EP300: variants seen among roughly 807,000 people sequenced by gnomAD.
The protein encoded by EP300 is histone acetyltransferase p300.
A neutral mutation model predicts 264.0 loss-of-function variants in EP300; 31 were observed. The observed-to-expected ratio is 0.12, with a 90% confidence interval of 0.09 to 0.16. EP300 has a LOEUF of 0.16. Ranked by LOEUF, EP300 falls within the 10% of genes least tolerant of loss-of-function variation. EP300 has a pLI of 1.00. For missense variants in EP300, 2,766 were observed against 3,052.9 expected (o/e 0.91, Z 2.21); for synonymous variants, 1,340 against 1,045.4 (o/e 1.28, Z -5.44).
In EP300 at chr22:41,092,969, T is replaced by A; in HGVS notation, c.-36T>A. The A allele has an allele frequency of 3.1e-6, 5 of 1,611,906 alleles. No individual in the cohort carries two copies. Among genetic ancestry groups the A allele is most frequent in the Non-Finnish European group, 4.2e-6 (5 of 1,178,060 alleles). On this transcript the variant is annotated 5_prime_UTR_variant, in exon 1 of 31. Transcript: ENST00000263253. ...CGAAGAAGAGATTTCCTGAGGATTC[T>A]GGTTTTCCTCGCTTGTATCTCCGAA...
chr22:41,119,620 A>G (rs914686988), intron 2 of EP300, among the ~76,000 whole-genome samples: 1 of 152,066 alleles, frequency 6.6e-6, no homozygotes, highest in Non-Finnish European at 1.5e-5. Flanking sequence ...GGTAAGTGCT[A>G]TGGAGAAAAA....
chr22:41,136,102 C>T (rs974231595), intron 7 of EP300, among the ~76,000 whole-genome samples, 196 bp downstream of exon 7: 1 of 152,192 alleles, frequency 6.6e-6, no homozygotes, highest in Admixed American at 6.5e-5. Context: ...CTCACTGCAA[C>T]CTCTGCCTCC....
chr22:41,129,513 C>T (rs1022891754), intron 4 of EP300, among the ~76,000 whole-genome samples: 1 of 152,138 alleles, frequency 6.6e-6, no homozygotes, highest in Non-Finnish European at 1.5e-5. Context: ...CATTTTTACC[C>T]GATCTAATAC....
chr22:41,113,842 G>T (rs527474712), intron 1 of EP300, among the ~76,000 whole-genome samples: 2 of 152,114 alleles, frequency 1.3e-5, no homozygotes, highest in Admixed American at 1.3e-4. Context: ...CACTGCGCCC[G>T]GCCTTTTTAA....
In EP300 at chr22:41,112,356, AT is replaced by A. The variant is rs1038336068; in HGVS notation, c.95-4825del. On this transcript the variant is annotated intron_variant, in intron 1 of 30. Transcript: ENST00000263253. The stretch of plus-strand genomic sequence containing the variant: ...AGGCGCCTGCCACCACACCCAGCTA[AT>A]TTTTTGTTTTGTTTTGTTTTTAGTA... 1.3e-4 allele frequency among the ~76,000 whole-genome samples: 19 copies of A among 151,650 alleles called. No individual in the cohort carries two copies. The South Asian group carries it at 1.7e-3, about 13-fold the overall frequency.
At chr22:41,105,582 A>G (rs896792702) in intron 1 of EP300, among the ~76,000 whole-genome samples, 11 of 152,010 alleles carry the variant, frequency 7.2e-5, no homozygotes, top group Middle Eastern at 3.4e-3. Flanking sequence ...TATTTTTAGT[A>G]GAGATGGGGT....
chr22:41,140,378 C>A, intron 9 of EP300, 121 bp downstream of exon 9: 1 of 787,784 alleles, frequency 1.3e-6, no homozygotes, highest in East Asian at 2.4e-5. Context: ...GTAGCTATCC[C>A]GTCTTATTGT....
rs1467627177 is a variant in EP300, at chr22:41,092,980, G to T, written c.-25G>T. ...TTTCCTGAGGATTCTGGTTTTCCTC[G>T]CTTGTATCTCCGAAAGAATTAAAAA... On this transcript the variant is annotated 5_prime_UTR_variant, in exon 1 of 31. Transcript: ENST00000263253. The T allele has an allele frequency of 1.9e-6, 3 of 1,613,308 alleles. No individual in the cohort carries two copies. The highest frequency in any genetic ancestry group is 1.1e-5 in the South Asian group (1 of 91,072).
rs1488654362 is a variant in EP300 at position 41,155,038 on chromosome 22, G to A, written c.3186G>A (p.Leu1062=). The change falls in exon 17 of 31, where the codon TTG becomes TTA. Residue 1062 remains leucine, a synonymous_variant. Coordinates refer to ENST00000263253, the MANE Select transcript of EP300 (RefSeq NM_001429.4). Reference sequence around the variant, plus strand: ...TACGACAGGCACTGATGCCAACTTTGGAGGCACTTTACCGTCAGGATCCAG... The same window carrying A: ...TACGACAGGCACTGATGCCAACTTTAGAGGCACTTTACCGTCAGGATCCAG... The part of the protein sequence containing the change: ...EELRQALMPT[L]EALYRQDPES... 3.7e-6 allele frequency: 6 copies of A among 1,613,874 alleles called. No homozygotes were observed. The highest frequency in any genetic ancestry group is 3.3e-5 in the Admixed American group (2 of 59,988).
At chr22:41,167,574 GTGTGTGTGTGTATATA>G (rs2059142221) in intron 23 of EP300, among the ~76,000 whole-genome samples, 3 of 29,182 alleles carry the variant, frequency 1.0e-4, no homozygotes, top group African/African-American at 4.0e-4. Flanking sequence ...GTGTGTGTGT[GTGTGTGTGTGTATATA>G]TATATATATA....
intron 2 of EP300, among the ~76,000 whole-genome samples, chr22:41,123,192 G>A (rs908312674): frequency 2.0e-5 from 3 of 152,246 alleles, no homozygotes; most frequent in African/African-American, 4.8e-5. Flanking sequence ...AACAGAAAAT[G>A]CCTCTCTGTG....
At chr22:41,102,067 A>G (rs1437713289) in intron 1 of EP300, among the ~76,000 whole-genome samples, 2 of 92,048 alleles carry the variant, frequency 2.2e-5, no homozygotes, top group Admixed American at 1.4e-4. Flanking sequence ...GCAGCCTACT[A>G]TATTGATTTT....
At chr22:41,157,103 A>T in intron 17 of EP300, 66 bp from the exon 18 acceptor site, 2 of 1,599,524 alleles carry the variant, frequency 1.3e-6, no homozygotes, top group Admixed American at 3.4e-5. Context: ...ATGATAATGG[A>T]TGATACTCCA....
At chr22:41,146,964 T>C (rs1486210668) in intron 11 of EP300, 148 bp downstream of exon 11, 1 of 739,158 alleles carries the variant, frequency 1.4e-6, no homozygotes, top group Admixed American at 2.1e-5. Flanking sequence ...GCAGGTTGGC[T>C]GGCAGATCAC....
In EP300 at chr22:41,130,089, G is replaced by A. The variant is rs1601606275; in HGVS notation, c.1282+86G>A. On this transcript the variant is annotated intron_variant, in intron 5 of 30. Transcript: ENST00000263253. ...TTATAGTACTACTTGATTATGTGAG[G>A]GACCTGTGGTGTTGTACTATGTTGA... 8.2e-6 allele frequency: 8 copies of A among 977,534 alleles called. No individual in the cohort carries two copies. In the East Asian group the frequency reaches 1.7e-4, roughly 21 times the overall value. 60.6% of individuals were successfully genotyped at this position (977,534 alleles called of 1,614,324 possible). A position where few individuals can be genotyped will look rare whatever the true frequency, so the allele number is the denominator to read the frequency against.
In EP300 at chr22:41,161,719, T is replaced by A. The variant is rs572872136; in HGVS notation, c.3671+997T>A. On this transcript the variant is annotated intron_variant, in intron 20 of 30. Coordinates refer to ENST00000263253, the MANE Select transcript of EP300 (RefSeq NM_001429.4). ...GAAGGAAAAACTGTTCAGTGTAATT[T>A]TAATATTATTGAAAGTTCATATTTA... Among the ~76,000 whole-genome samples, 21 of 152,324 alleles carry A rather than the reference T, an allele frequency of 1.4e-4. No individual in the cohort carries two copies. The South Asian group carries it at 4.3e-3, about 32-fold the overall frequency.
intron 20 of EP300, 62 bp downstream of exon 20, chr22:41,160,784 C>A (rs2145752779): frequency 6.9e-7 from 1 of 1,452,138 alleles, no homozygotes; most frequent in Non-Finnish European, 9.7e-7. Flanking sequence ...TTATGCACAG[C>A]TTATTTCTAA....
At chr22:41,094,427 T>G (rs1328389511) in intron 1 of EP300, among the ~76,000 whole-genome samples, 1 of 152,224 alleles carries the variant, frequency 6.6e-6, no homozygotes, top group Admixed American at 6.5e-5. Context: ...ATAAGAAAGA[T>G]GTGAAATGAA....
At position 41,154,775 on chromosome 22, in the gene EP300, T is replaced by TA. The variant is rs2059067362; in HGVS notation, c.3143-218dup. On this transcript the variant is annotated intron_variant, in intron 16 of 30. Coordinates refer to ENST00000263253, the MANE Select transcript of EP300 (RefSeq NM_001429.4). ...GTTAAGCTGAGGGTGAAGAGTGTTT[T>TA]AAGGTGATAAGACACAATGTTTTTT... Among the ~76,000 whole-genome samples, 3 of 152,160 alleles carry TA rather than the reference T, an allele frequency of 2.0e-5. No homozygotes were observed. In the South Asian group the frequency reaches 6.2e-4, roughly 31 times the overall value.
Sources: allele counts gnomAD v4.1 joint callset (sites outside exome capture counted in the v4.1 genomes callset), GRCh38; gene constraint gnomAD v4.1.1; transcripts MANE v1.5; gene names NCBI Gene and HGNC (gene_info 2026-07-23, HGNC 2026-07-21).